Variants in EPM2A observed in about 807,000 individuals in gnomAD.
The protein encoded by EPM2A is laforin.
EPM2A carries 21 observed loss-of-function variants against 26.5 expected under a neutral mutation model. That is an observed-to-expected ratio of 0.79 (90% CI 0.56 to 1.14). The LOEUF is 1.14. EPM2A is among the 50% of genes most tolerant of loss of function. The pLI is 0.00. For synonymous variants in EPM2A, 217 were observed against 177.6 expected, an observed-to-expected ratio of 1.22 and a Z score of -1.76; for missense variants, 458 against 440.8, an observed-to-expected ratio of 1.04 and a Z score of -0.35.
chr6:145,420,129 AT>A (rs1165643690), intron 4 of EPM2A, among the ~76,000 whole-genome samples: 1 of 151,970 alleles, frequency 6.6e-6, no homozygotes, highest in Non-Finnish European at 1.5e-5. Context: ...AAATCATCTC[AT>A]TTTTTTGTGT....
chr6:145,408,523 C>T lies in EPM2A; in HGVS notation c.556-24426G>A, dbSNP rs527769435. ...TGGGTTTCATAAATGGTTCTCTCCT[C>T]TTTCTGCACTTACTTTGCTTAGCCA... On this transcript the variant is annotated intron_variant, in intron 4 of 4. Transcript: ENST00000638717. 5.9e-5 allele frequency among the ~76,000 whole-genome samples: 9 copies of T among 152,300 alleles called. No homozygotes were observed. The East Asian group carries it at 1.7e-3, about 29-fold the overall frequency.
intron 4 of EPM2A, among the ~76,000 whole-genome samples, chr6:145,425,374 C>T (rs1380744232): frequency 2.0e-5 from 3 of 152,036 alleles, no homozygotes; most frequent in African/African-American, 7.2e-5. Flanking sequence ...AGGGTTTCGC[C>T]ATGTTGGCCA....
At chr6:145,408,640 A>G (rs1196646569) in intron 4 of EPM2A, among the ~76,000 whole-genome samples, 1 of 152,172 alleles carries the variant, frequency 6.6e-6, no homozygotes, top group African/African-American at 2.4e-5. Flanking sequence ...ACAGTTTTAA[A>G]CAGATACCTG....
intron 2 of EPM2A, among the ~76,000 whole-genome samples, chr6:145,676,831 G>A (rs921292594): frequency 3.3e-5 from 5 of 152,082 alleles, no homozygotes; most frequent in African/African-American, 1.2e-4. Flanking sequence ...TGGATTCACA[G>A]CCAAATTCTA....
chr6:145,398,760 T>G (rs1325665063), intron 4 of EPM2A, among the ~76,000 whole-genome samples: 1 of 151,402 alleles, frequency 6.6e-6, no homozygotes, highest in Non-Finnish European at 1.5e-5. Flanking sequence ...CTTGGGAGGC[T>G]GAGGCGGGAG....
intron 2 of EPM2A, among the ~76,000 whole-genome samples, chr6:145,671,836 A>G (rs1313426607): frequency 6.6e-6 from 1 of 152,242 alleles, no homozygotes; most frequent in Non-Finnish European, 1.5e-5. Context: ...AAGTATAAAC[A>G]TGCTTTTACA....
rs537750759 is a variant in EPM2A, at chr6:145,628,097, T to A, written c.719-404A>T. ...AGTTGTCAGGTCTGGCCACCTGAAT[T>A]TCAGTAAATCCAAAAGTATCTTCCA... is the stretch of plus-strand genomic sequence containing the variant. On this transcript the variant is annotated intron_variant, in intron 3 of 3. Coordinates refer to ENST00000367519, the MANE Select transcript of EPM2A (RefSeq NM_005670.4). 6 of 232,260 alleles carry A rather than the reference T, an allele frequency of 2.6e-5. No individual in the cohort carries two copies. The East Asian group carries it at 6.3e-4, about 24-fold the overall frequency. The allele number at this position is 232,260 out of a possible 1,614,324, so 14.4% of individuals were successfully genotyped here. A position where few individuals can be genotyped will look rare whatever the true frequency, so the allele number is the denominator to read the frequency against.
At chr6:145,574,167 T>A (rs968761405) in intron 2 of EPM2A, among the ~76,000 whole-genome samples, 2 of 152,276 alleles carry the variant, frequency 1.3e-5, no homozygotes, top group African/African-American at 4.8e-5. Flanking sequence ...TGAGGGGCCA[T>A]GATTCTCTGA....
intron 4 of EPM2A, among the ~76,000 whole-genome samples, chr6:145,391,523 C>G (rs939834828): frequency 1.3e-5 from 2 of 152,136 alleles, no homozygotes; most frequent in Admixed American, 6.5e-5. Context: ...TGCCTGCCCC[C>G]CCTTTGTAAA....
chr6:145,590,323 C>T (rs1259070451), intron 2 of EPM2A, among the ~76,000 whole-genome samples: 1 of 151,902 alleles, frequency 6.6e-6, no homozygotes, highest in Non-Finnish European at 1.5e-5. Flanking sequence ...ACCAACTATT[C>T]TACATAACAA....
At chr6:145,635,617 G>A (rs1044420706) in intron 2 of EPM2A, 131 bp from the exon 3 acceptor site, 3 of 853,234 alleles carry the variant, frequency 3.5e-6, no homozygotes, top group Non-Finnish European at 5.8e-6. Context: ...AGATATTTTA[G>A]AATATGAACA....
chr6:145,505,158 G>T (rs951974332), intron 2 of EPM2A, among the ~76,000 whole-genome samples: 1 of 147,744 alleles, frequency 6.8e-6, no homozygotes, highest in Admixed American at 6.7e-5. Flanking sequence ...TGACGCGTTA[G>T]TGGGTGCAGT....
chr6:145,688,942 G>A (rs141687309), intron 1 of EPM2A, among the ~76,000 whole-genome samples: 89 of 152,234 alleles, frequency 5.8e-4, no homozygotes, highest in African/African-American at 8.9e-4. Context: ...TACAAGGAGC[G>A]GGTGTTACTT....
At chr6:145,651,540 T>C (rs1199953495) in intron 2 of EPM2A, among the ~76,000 whole-genome samples, 2 of 152,216 alleles carry the variant, frequency 1.3e-5, no homozygotes, top group African/African-American at 4.8e-5. Context: ...CAACGCACAG[T>C]GTTTCTGCAA....
chr6:145,703,954 A>G (rs1041406296), intron 1 of EPM2A, among the ~76,000 whole-genome samples: 1 of 152,234 alleles, frequency 6.6e-6, no homozygotes. Context: ...TGGTATTATC[A>G]GTTAAAAAGG....
chr6:145,651,652 GGAAA>G (rs1173061751), intron 2 of EPM2A, among the ~76,000 whole-genome samples: 2 of 152,054 alleles, frequency 1.3e-5, no homozygotes, highest in Non-Finnish European at 2.9e-5. Context: ...ATTTACACGA[GGAAA>G]GAAAGAAGAA....
chr6:145,391,678 T>C (rs1042519238), intron 4 of EPM2A, among the ~76,000 whole-genome samples: 3 of 152,236 alleles, frequency 2.0e-5, no homozygotes, highest in Non-Finnish European at 2.9e-5. Context: ...GCTTGAGAAA[T>C]AAAGTTCTCC....
intron 4 of EPM2A, among the ~76,000 whole-genome samples, chr6:145,457,844 A>C (rs745593344): frequency 6.6e-6 from 1 of 152,242 alleles, no homozygotes; most frequent in Non-Finnish European, 1.5e-5. Flanking sequence ...ATATGTGTCA[A>C]GATACAGTTG....
At chr6:145,681,604 T>C (rs1434688166) in intron 2 of EPM2A, among the ~76,000 whole-genome samples, 2 of 151,360 alleles carry the variant, frequency 1.3e-5, no homozygotes, top group Non-Finnish European at 2.9e-5. Context: ...TTCAGCTTTC[T>C]ACATATGGCT....
Sources: gnomAD v4.1 joint callset for allele counts (sites outside exome capture counted in the v4.1 genomes callset) on GRCh38, gnomAD v4.1.1 for gene constraint, MANE v1.5 for transcripts, NCBI Gene and HGNC (gene_info 2026-07-23, HGNC 2026-07-21) for gene names.